Variants in TEX9 observed in about 807,000 individuals in gnomAD.
TEX9 encodes the protein testis expressed 9.
In TEX9, 74 loss-of-function variants were observed where a neutral mutation model predicts 59.6. The ratio of observed to expected loss-of-function variants is 1.24; its 90% CI spans 1.03 to 1.51. The LOEUF (loss-of-function observed/expected upper bound fraction) is 1.51, where lower values mean the gene tolerates loss of function less well. Ranked by LOEUF, TEX9 falls within the 40% of genes most tolerant of loss-of-function variation. The pLI is 0.00. For missense variants in TEX9, 522 were observed against 447.8 expected (o/e 1.17, Z -1.49); for synonymous variants, 186 against 152.2 (o/e 1.22, Z -1.64).
intron 1 of TEX9, among the ~76,000 whole-genome samples, chr15:56,252,365 G>C (rs1191511805): frequency 7.1e-6 from 1 of 139,916 alleles, no homozygotes. Context: ...GTTGAATTGA[G>C]CTATTAGAAA....
exon 6 of TEX9, chr15:56,389,327 A>C (rs762745230): frequency 6.2e-7 from 1 of 1,609,270 alleles, no homozygotes; most frequent in South Asian, 1.1e-5. Flanking sequence ...GCCAAAGACC[A>C]AAAACATTGA....
At chr15:56,331,119 T>C (rs1180019736) in intron 1 of TEX9, among the ~76,000 whole-genome samples, 1 of 152,190 alleles carries the variant, frequency 6.6e-6, no homozygotes, top group Non-Finnish European at 1.5e-5. Context: ...TTTGAATATA[T>C]GTGCAGCCAA....
chr15:56,286,814 AC>A (rs2044964410), intron 1 of TEX9, among the ~76,000 whole-genome samples: 1 of 152,172 alleles, frequency 6.6e-6, no homozygotes, highest in Non-Finnish European at 1.5e-5. Flanking sequence ...TTTAGTTCTC[AC>A]ATTTTCCCCA....
At chr15:56,388,403 T>C (rs2048055783) in intron 4 of TEX9, 69 bp from the exon 5 acceptor site, 4 of 1,193,138 alleles carry the variant, frequency 3.4e-6, no homozygotes, top group East Asian at 2.4e-5. Flanking sequence ...CAAATATAAT[T>C]GTTGAATTTC....
intron 1 of TEX9, among the ~76,000 whole-genome samples, chr15:56,268,419 G>A (rs368263776): frequency 6.6e-6 from 1 of 152,172 alleles, no homozygotes; most frequent in African/African-American, 2.4e-5. Context: ...CAAAGGGAAT[G>A]CTTCCAGTTT....
the TEX9 span, among the ~76,000 whole-genome samples, chr15:56,451,644 T>G: frequency 1.3e-5 from 2 of 152,196 alleles, no homozygotes; most frequent in Admixed American, 6.5e-5. Flanking sequence ...CAATTTTGAT[T>G]ATAGACAGTC....
intron 1 of TEX9, among the ~76,000 whole-genome samples, chr15:56,284,446 A>G (rs1163898498): frequency 2.0e-5 from 3 of 152,194 alleles, no homozygotes; most frequent in African/African-American, 7.2e-5. Flanking sequence ...ATATTATATT[A>G]CCATTTTATC....
At chr15:56,448,473 G>T (rs1485737307), downstream of TEX9, among the ~76,000 whole-genome samples, 4 of 152,166 alleles carry the variant, frequency 2.6e-5, no homozygotes, top group Non-Finnish European at 5.9e-5. Context: ...ACCTATAAGT[G>T]AGAATATGCA....
At chr15:56,292,981 G>A (rs769880046) in intron 1 of TEX9, among the ~76,000 whole-genome samples, 3 of 152,144 alleles carry the variant, frequency 2.0e-5, no homozygotes, top group Non-Finnish European at 2.9e-5. Context: ...TACCCCTTCA[G>A]TAAGTCATTT....
chr15:56,299,922 G>A (rs1032915048), intron 1 of TEX9, among the ~76,000 whole-genome samples: 2 of 152,070 alleles, frequency 1.3e-5, no homozygotes, highest in African/African-American at 2.4e-5. Flanking sequence ...AGCCTTGAGT[G>A]AGACACAATA....
intron 4 of TEX9, among the ~76,000 whole-genome samples, chr15:56,384,954 A>G (rs1328740234): frequency 2.0e-5 from 3 of 151,796 alleles, no homozygotes; most frequent in African/African-American, 7.3e-5. Flanking sequence ...AAGATTTACG[A>G]CCATGATTTC....
chr15:56,455,658 T>C, the TEX9 span, among the ~76,000 whole-genome samples: 1 of 152,174 alleles, frequency 6.6e-6, no homozygotes, highest in Non-Finnish European at 1.5e-5. Flanking sequence ...AGTAATTCGA[T>C]CTTAGGCAGG....
exon 8 of TEX9, chr15:56,394,203 A>C (rs181383242): frequency 6.2e-7 from 1 of 1,609,316 alleles, no homozygotes; most frequent in East Asian, 2.2e-5. Context: ...ACTCCATGTT[A>C]TGCAGGAGGA....
At chr15:56,360,150 G>A (rs560780186) in intron 1 of TEX9, among the ~76,000 whole-genome samples, 6 of 152,130 alleles carry the variant, frequency 3.9e-5, no homozygotes, top group Non-Finnish European at 8.8e-5. Context: ...TTTGTTAAGG[G>A]TTTAAAAATC....
intron 3 of TEX9, among the ~76,000 whole-genome samples, chr15:56,383,669 A>G (rs980885544): frequency 1.3e-5 from 2 of 152,146 alleles, no homozygotes; most frequent in Middle Eastern, 3.2e-3. Context: ...AAGCTGGAAG[A>G]CTCTAAAGGG....
chr15:56,427,601 G>A lies in TEX9; in HGVS notation c.964-4G>A, dbSNP rs200933924. On this transcript the variant is annotated splice_polypyrimidine_tract_variant and splice_region_variant and intron_variant, in intron 10 of 12. Coordinates refer to ENST00000352903, the Ensembl canonical transcript of TEX9. ...ATATATGGCACTTTTTTTTCCTTGT[G>A]TAGGACATAGCAAATGAAGAACACA... is the stretch of plus-strand genomic sequence containing the variant. The A allele has an allele frequency of 1.8e-4, 271 of 1,505,378 alleles. No homozygotes were observed. Among genetic ancestry groups the A allele is most frequent in the Non-Finnish European group, 2.3e-4 (262 of 1,127,306 alleles). 93.3% of individuals were successfully genotyped at this position (1,505,378 alleles called of 1,614,324 possible). A position where few individuals can be genotyped will look rare whatever the true frequency, so the allele number is the denominator to read the frequency against.
At chr15:56,446,899 A>G (rs940546301), downstream of TEX9, 4 of 1,610,226 alleles carry the variant, frequency 2.5e-6, no homozygotes, top group Admixed American at 1.7e-5. Flanking sequence ...TTCTTTATTC[A>G]TGTAAGCTGC....
intron 9 of TEX9, among the ~76,000 whole-genome samples, chr15:56,401,308 CAAAAAAAAAAA>C (rs1207055803): frequency 1.1e-4 from 5 of 46,772 alleles, no homozygotes; most frequent in East Asian, 2.2e-3. Flanking sequence ...AAATTGAAAG[CAAAAAAAAAAA>C]AAAAAAAAAA....
At chr15:56,345,147 A>G (rs2046446919) in intron 1 of TEX9, among the ~76,000 whole-genome samples, 2 of 151,076 alleles carry the variant, frequency 1.3e-5, no homozygotes, top group Admixed American at 6.6e-5. Context: ...AATCTTCTAA[A>G]TGCAGATATT....
Sources: allele counts gnomAD v4.1 joint callset (sites outside exome capture counted in the v4.1 genomes callset), GRCh38; gene constraint gnomAD v4.1.1; transcripts MANE v1.5; gene names NCBI Gene and HGNC (gene_info 2026-07-23, HGNC 2026-07-21).